Variants in ATP7B observed in about 807,000 individuals in gnomAD.
ATP7B encodes copper-transporting ATPase 2.
A neutral mutation model predicts 118.9 loss-of-function variants in ATP7B; 113 were observed. The observed-to-expected ratio is 0.95, with a 90% CI of 0.82 to 1.11. The LOEUF is 1.11. Ranked by LOEUF, ATP7B falls within the 50% of genes most tolerant of loss-of-function variation. The pLI, the probability that ATP7B is intolerant of heterozygous loss-of-function variation, is 0.00. For synonymous variants in ATP7B, 777 were observed against 727.4 expected (o/e 1.07, Z -1.10); for missense variants, 1,867 against 1,871.4 (o/e 1.00, Z 0.04).
chr13:51,940,502 G>A (rs1957268858), intron 16 of ATP7B, among the ~76,000 whole-genome samples: 1 of 151,668 alleles, frequency 6.6e-6, no homozygotes, highest in African/African-American at 2.4e-5. Context: ...AAATGTAGCT[G>A]GGCGTGGTGG....
rs1370280605 is a variant in ATP7B at position 51,949,549 on chromosome 13, T to G, written c.2865+113A>C. Reference sequence around the variant, plus strand: ...GCTGTCAATAAGAGAAGCAAGCAAATAAAATGTAATGAATAATTAAAGCCC... The same window carrying G: ...GCTGTCAATAAGAGAAGCAAGCAAAGAAAATGTAATGAATAATTAAAGCCC... On this transcript the variant is annotated intron_variant, in intron 12 of 20. Coordinates refer to ENST00000242839, the MANE Select transcript of ATP7B (RefSeq NM_000053.4). 5 of 1,483,380 alleles carry G rather than the reference T, an allele frequency of 3.4e-6. No homozygotes were observed. The East Asian group carries it at 9.1e-5, about 27-fold the overall frequency. 91.9% of individuals were successfully genotyped at this position (1,483,380 alleles called of 1,614,324 possible).
At position 51,974,788 on chromosome 13, in the gene ATP7B, C is replaced by T; in HGVS notation, c.432G>A (p.Val144=). The change falls in exon 2 of 21, where the codon GTG becomes GTA. Residue 144 remains valine, a synonymous_variant. Transcript: ENST00000242839. ...TCATGCCCTCCACCCGGAGCTTGAC[C>T]ACAGCCTCCTGGGCAGGCAAGGACC... is the stretch of plus-strand genomic sequence containing the variant. ...PSRSLPAQEA[V]VKLRVEGMTC... 1 of 1,614,154 alleles carries T rather than the reference C, an allele frequency of 6.2e-7. No individual in the cohort carries two copies. The highest frequency in any genetic ancestry group is 1.1e-5 in the South Asian group (1 of 91,084).
intron 1 of ATP7B, among the ~76,000 whole-genome samples, chr13:51,990,215 C>T (rs1952843177): frequency 6.6e-6 from 1 of 151,894 alleles, no homozygotes; most frequent in South Asian, 2.1e-4. Context: ...TTGTAGAAAG[C>T]TAAATTTTGC....
chr13:51,971,491 T>C (rs1197005253), intron 2 of ATP7B, among the ~76,000 whole-genome samples: 1 of 152,232 alleles, frequency 6.6e-6, no homozygotes, highest in East Asian at 1.9e-4. Context: ...AATCCAATTA[T>C]TCTGTAATAT....
At position 51,946,333 on chromosome 13, in the gene ATP7B, T is replaced by C. The variant is rs587783307; in HGVS notation, c.3011A>G (p.Gln1004Arg). Residue 1004 changes from glutamine (Q) to arginine (R), a missense_variant, in exon 13 of 21, where the codon CAG becomes CGG. Coordinates refer to ENST00000242839, the MANE Select transcript of ATP7B (RefSeq NM_000053.4). ...GCCTCCCTTGATGAGGATGCCGTTC[T>C]GCGCGGCCACCCCGGTGCCCACCAT... Reference protein sequence around the residue: ...AVMVGTGVAAQNGILIKGGKP... With the variant: ...AVMVGTGVAARNGILIKGGKP... The C allele has an allele frequency of 1.2e-6, 2 of 1,608,012 alleles. No individual in the cohort carries two copies. Among genetic ancestry groups the C allele is most frequent in the Non-Finnish European group, 8.5e-7 (1 of 1,177,742 alleles).
intron 14 of ATP7B, among the ~76,000 whole-genome samples, chr13:51,943,472 C>T (rs1051307524): frequency 6.6e-6 from 1 of 152,184 alleles, no homozygotes; most frequent in Admixed American, 6.5e-5. Flanking sequence ...GCAATGATGT[C>T]ACCTTTCTAC....
intron 12 of ATP7B, among the ~76,000 whole-genome samples, chr13:51,946,903 C>T (rs1027514783): frequency 2.0e-5 from 3 of 152,094 alleles, no homozygotes; most frequent in Non-Finnish European, 2.9e-5. Flanking sequence ...GGCATAGGAG[C>T]GGCATTTAAG....
chr13:51,995,715 C>T (rs1953173053), intron 1 of ATP7B, among the ~76,000 whole-genome samples: 1 of 152,232 alleles, frequency 6.6e-6, no homozygotes, highest in South Asian at 2.1e-4. Context: ...CAGCAGTCTT[C>T]AGCCTGGCAG....
chr13:51,943,097 TC>T (rs1014416621), intron 14 of ATP7B, among the ~76,000 whole-genome samples: 4 of 152,264 alleles, frequency 2.6e-5, no homozygotes, highest in African/African-American at 9.6e-5. Flanking sequence ...CTGCCCGTCC[TC>T]CCCCAGGCTG....
intron 1 of ATP7B, among the ~76,000 whole-genome samples, chr13:52,009,727 T>C (rs1210853508): frequency 2.0e-5 from 3 of 152,164 alleles, no homozygotes; most frequent in African/African-American, 4.8e-5. Context: ...CCTTTTTTTT[T>C]CCTATCTCCA....
At chr13:51,968,690 A>T in intron 3 of ATP7B, 83 bp from the exon 4 acceptor site, 2 of 1,504,838 alleles carry the variant, frequency 1.3e-6, no homozygotes, top group Non-Finnish European at 1.8e-6. Flanking sequence ...GAACAAAGAA[A>T]CACATCTTCC....
intron 9 of ATP7B, among the ~76,000 whole-genome samples, chr13:51,953,851 T>A (rs1305644821): frequency 9.5e-5 from 9 of 94,368 alleles, no homozygotes; most frequent in African/African-American, 1.3e-4. Context: ...CCATCAATTG[T>A]AAAAAAAAAA....
chr13:51,938,833 GATGC>G (rs1387194405), intron 17 of ATP7B, among the ~76,000 whole-genome samples: 3 of 152,012 alleles, frequency 2.0e-5, no homozygotes, highest in Non-Finnish European at 4.4e-5. Flanking sequence ...TTTTTTCCAG[GATGC>G]ATGCGCCCAA....
At position 51,937,673 on chromosome 13, in the gene ATP7B, T is replaced by C. The variant is rs1957053612; in HGVS notation, c.3706A>G (p.Ile1236Val). The stretch of plus-strand genomic sequence containing the variant: ...AGCACCTCTGCAAAGACTTTGTTGA[T>C]GCCAACCTAAGACAAAAGGAAGGCA... ...TARAIATQVG[I>V]NKVFAEVLPS... The change falls in exon 18 of 21, where the codon ATC becomes GTC. Residue 1236 changes from isoleucine to valine, a missense_variant. Transcript: ENST00000242839. 1.2e-6 allele frequency: 2 copies of C among 1,614,100 alleles called. No homozygotes were observed. The highest frequency in any genetic ancestry group is 1.3e-5 in the African/African-American group (1 of 74,946).
At chr13:51,966,738 C>T in intron 4 of ATP7B, 2 of 1,582,124 alleles carry the variant, frequency 1.3e-6, no homozygotes, top group East Asian at 2.3e-5. Flanking sequence ...CGCCCGCACC[C>T]ACCATGGCCA....
intron 1 of ATP7B, among the ~76,000 whole-genome samples, chr13:51,994,838 C>A (rs1953120262): frequency 6.6e-6 from 1 of 152,184 alleles, no homozygotes; most frequent in African/African-American, 2.4e-5. Flanking sequence ...CACCAGTCTG[C>A]TCAGAAATGC....
chr13:52,009,969 A>G (rs1276052657), intron 1 of ATP7B, among the ~76,000 whole-genome samples: 1 of 152,210 alleles, frequency 6.6e-6, no homozygotes, highest in African/African-American at 2.4e-5. Flanking sequence ...AGTAAGCTCA[A>G]TAACGCTGGT....
chr13:51,992,710 G>A (rs1952973329), intron 1 of ATP7B, among the ~76,000 whole-genome samples: 1 of 152,126 alleles, frequency 6.6e-6, no homozygotes, highest in Non-Finnish European at 1.5e-5. Context: ...AGGCAGGGTG[G>A]TTCACGCCTG....
intron 9 of ATP7B, among the ~76,000 whole-genome samples, chr13:51,953,190 C>T (rs1296410786): frequency 6.6e-6 from 1 of 152,186 alleles, no homozygotes; most frequent in Non-Finnish European, 1.5e-5. Flanking sequence ...AGTCCTCCAG[C>T]GATGGAGAAG....
Sources: gnomAD v4.1 joint callset for allele counts (sites outside exome capture counted in the v4.1 genomes callset) on GRCh38, gnomAD v4.1.1 for gene constraint, MANE v1.5 for transcripts, NCBI Gene and HGNC (gene_info 2026-07-23, HGNC 2026-07-21) for gene names.